The following PPHLN1 variants were observed in gnomAD, a reference collection of about 807,000 sequenced individuals.
The protein encoded by PPHLN1 is periphilin 1.
Under a neutral mutation model 51.3 loss-of-function variants are expected in PPHLN1, and 29 were observed. The ratio of observed to expected loss-of-function variants is 0.57; its 90% CI spans 0.42 to 0.77. The LOEUF is 0.77. Ranked by LOEUF, PPHLN1 falls within the 30% of genes least tolerant of loss-of-function variation. PPHLN1 has a pLI of 0.00. For synonymous variants in PPHLN1, 147 were observed against 147.8 expected, an observed-to-expected ratio of 0.99 and a Z score of 0.04; for missense variants, 436 against 438.4, an observed-to-expected ratio of 0.99 and a Z score of 0.05.
downstream of PPHLN1, chr12:42,443,886 A>G (rs1193965693): frequency 6.6e-6 from 1 of 152,236 alleles, no homozygotes; most frequent in Admixed American, 6.5e-5. Flanking sequence ...TGCATTTACA[A>G]TACCAGCTAT....
At chr12:42,364,704 T>G (rs1010463256) in intron 4 of PPHLN1, among the ~76,000 whole-genome samples, 1 of 152,098 alleles carries the variant, frequency 6.6e-6, no homozygotes, top group East Asian at 1.9e-4. Context: ...GTGGATCACC[T>G]GAGGTCAGGA....
At chr12:42,423,458 G>A (rs538230647) in intron 9 of PPHLN1, among the ~76,000 whole-genome samples, 1 of 152,102 alleles carries the variant, frequency 6.6e-6, no homozygotes, top group Admixed American at 6.5e-5. Context: ...AAGAAAAAAC[G>A]CATCTTGGAA....
intron 9 of PPHLN1, among the ~76,000 whole-genome samples, chr12:42,406,937 C>T (rs903876145): frequency 4.6e-5 from 7 of 151,844 alleles, no homozygotes; most frequent in African/African-American, 1.7e-4. Flanking sequence ...TCAATTTGAC[C>T]CCAAACCATT....
chr12:42,356,995 C>T (rs2074115459), intron 4 of PPHLN1, among the ~76,000 whole-genome samples: 2 of 152,124 alleles, frequency 1.3e-5, no homozygotes. Flanking sequence ...GATCAACTAT[C>T]AGCATAAATT....
rs188572740 is a variant in PPHLN1 at position 42,409,768 on chromosome 12, G to T, written c.909+10774G>T. On this transcript the variant is annotated intron_variant, in intron 9 of 9. Transcript: ENST00000358314. ...TGTTAAAGAGACTGTACTGAATTGT[G>T]TTGCTTATTTCTATCTTTAAGATAA... Among the ~76,000 whole-genome samples, 271 of 151,956 alleles carry T rather than the reference G, an allele frequency of 1.8e-3. 4 individuals carry two copies. The highest frequency in any genetic ancestry group is 0.016 in the Admixed American group (250 of 15,272).
intron 2 of PPHLN1, chr12:42,344,012 T>C (rs2071892171): frequency 3.2e-6 from 1 of 315,112 alleles, no homozygotes. Flanking sequence ...TACCAGCCTG[T>C]GTAATAGAAT....
chr12:42,348,974 A>G (rs2072790042), intron 2 of PPHLN1, among the ~76,000 whole-genome samples: 1 of 152,216 alleles, frequency 6.6e-6, no homozygotes, highest in Non-Finnish European at 1.5e-5. Flanking sequence ...AAAGGAGGTA[A>G]CCACCTTACA....
At chr12:42,378,282 T>G (rs2076475287) in intron 5 of PPHLN1, among the ~76,000 whole-genome samples, 1 of 152,106 alleles carries the variant, frequency 6.6e-6, no homozygotes. Context: ...CCTTCCTGTT[T>G]TCAGAATAGT....
chr12:42,412,847 T>C (rs182650090), intron 9 of PPHLN1, among the ~76,000 whole-genome samples: 24 of 152,244 alleles, frequency 1.6e-4, no homozygotes, highest in Admixed American at 1.1e-3. Flanking sequence ...TCTCGTTGTT[T>C]TAATTTGCAT....
At chr12:42,403,419 A>T (rs1428854059) in intron 9 of PPHLN1, among the ~76,000 whole-genome samples, 2 of 152,214 alleles carry the variant, frequency 1.3e-5, no homozygotes, top group East Asian at 1.9e-4. Flanking sequence ...GAAAGTTACA[A>T]TTTACCAGAT....
At chr12:42,398,156 C>T (rs982415323) in intron 8 of PPHLN1, among the ~76,000 whole-genome samples, 1 of 152,136 alleles carries the variant, frequency 6.6e-6, no homozygotes, top group South Asian at 2.1e-4. Context: ...TATTCCAATA[C>T]TTAATCTCCC....
Position 42,441,500 on chromosome 12 carries a change from G to C in PPHLN1, c.1095G>C (p.Glu365Asp). The change falls in exon 10 of 10, where the codon GAG (glutamate) becomes GAC (aspartate). Residue 365 changes from glutamate (E) to aspartate (D), a missense_variant. Glu to Asp is a conservative substitution (Grantham distance 45, BLOSUM62 2). Coordinates refer to ENST00000358314, the MANE Select transcript of PPHLN1 (RefSeq NM_201439.2). ...ATACTTCCACTCAAGATTTTGGAGA[G>C]CCTTTTTAGATTTTTCTGCTCAGGC... ...EYDTSTQDFG[E>D]PF The C allele has an allele frequency of 6.4e-7, 1 of 1,574,280 alleles. No homozygotes were observed. Among genetic ancestry groups the C allele is most frequent in the Non-Finnish European group, 8.6e-7 (1 of 1,162,214 alleles).
intron 7 of PPHLN1, among the ~76,000 whole-genome samples, chr12:42,390,208 A>T (rs904396710): frequency 6.6e-6 from 1 of 152,144 alleles, no homozygotes; most frequent in African/African-American, 2.4e-5. Flanking sequence ...GGAAAAAAAC[A>T]GCTTCTTTGT....
chr12:42,378,004 G>A (rs1361075416), intron 5 of PPHLN1, among the ~76,000 whole-genome samples: 1 of 152,128 alleles, frequency 6.6e-6, no homozygotes, highest in African/African-American at 2.4e-5. Flanking sequence ...TAAAAATAAA[G>A]TTGGTAGACT....
intron 5 of PPHLN1, among the ~76,000 whole-genome samples, chr12:42,378,864 T>TA (rs2076528762): frequency 6.6e-6 from 1 of 152,124 alleles, no homozygotes; most frequent in Non-Finnish European, 1.5e-5. Flanking sequence ...AGAATATTCT[T>TA]ACTATAACTT....
chr12:42,353,769 G>A (rs1049097411), intron 3 of PPHLN1, among the ~76,000 whole-genome samples: 20 of 152,108 alleles, frequency 1.3e-4, no homozygotes, highest in African/African-American at 4.3e-4. Flanking sequence ...AAAATCCTAT[G>A]TGAGTTTTCT....
At chr12:42,346,922 C>T (rs1204404802) in intron 2 of PPHLN1, 3 of 152,068 alleles carry the variant, frequency 2.0e-5, no homozygotes, top group Non-Finnish European at 2.9e-5. Flanking sequence ...GCATCTCACT[C>T]TGTTTTCCCA....
At chr12:42,367,891 T>C (rs757472339) in intron 4 of PPHLN1, among the ~76,000 whole-genome samples, 2 of 152,146 alleles carry the variant, frequency 1.3e-5, no homozygotes, top group Non-Finnish European at 2.9e-5. Flanking sequence ...TGCACCACCA[T>C]GCCCGGCTAA....
At chr12:42,354,489 C>T (rs187668546) in intron 3 of PPHLN1, among the ~76,000 whole-genome samples, 9 of 152,226 alleles carry the variant, frequency 5.9e-5, no homozygotes, top group Admixed American at 2.0e-4. Flanking sequence ...GAATTACAGG[C>T]GTGAGCCACT....
Sources: allele counts gnomAD v4.1 joint callset (sites outside exome capture counted in the v4.1 genomes callset), GRCh38; gene constraint gnomAD v4.1.1; transcripts MANE v1.5; gene names NCBI Gene and HGNC (gene_info 2026-07-23, HGNC 2026-07-21).